Variants in MYRFL observed in about 807,000 individuals in gnomAD.
The protein encoded by MYRFL is myelin regulatory factor like.
In MYRFL, 88 loss-of-function variants were observed where a neutral mutation model predicts 109.4. The observed-to-expected ratio is 0.80, with a 90% confidence interval of 0.68 to 0.96. The LOEUF (loss-of-function observed/expected upper bound fraction) is 0.96, where lower values mean the gene tolerates loss of function less well. Ranked by LOEUF, MYRFL falls within the 40% of genes least tolerant of loss-of-function variation. The probability of loss-of-function intolerance (pLI) is 0.00; values close to 1 mark genes in which losing one functional copy is unlikely to be tolerated. For synonymous variants in MYRFL, 324 were observed against 320.9 expected (o/e 1.01, Z -0.10); for missense variants, 957 against 954.9 (o/e 1.00, Z -0.03).
intron 1 of MYRFL, among the ~76,000 whole-genome samples, chr12:69,832,944 TTGTGTGTGTGTGTGTG>T (rs57702116): frequency 4.7e-4 from 68 of 143,822 alleles, no homozygotes; most frequent in African/African-American, 1.4e-3. Context: ...AGGAACAGGC[TTGTGTGTGTGTGTGTG>T]TGTGTGTGTG....
chr12:69,943,107 C>T (rs546035596), intron 19 of MYRFL, among the ~76,000 whole-genome samples: 29 of 151,592 alleles, frequency 1.9e-4, no homozygotes, highest in African/African-American at 6.6e-4. Context: ...GCCATACTGC[C>T]CAGGGTAATT....
At chr12:69,893,978 T>A in intron 8 of MYRFL, 138 bp downstream of exon 8, 1 of 218,796 alleles carries the variant, frequency 4.6e-6, no homozygotes, top group Non-Finnish European at 8.2e-6. Flanking sequence ...GAATCCAAAT[T>A]AATAATGTTA....
At chr12:69,909,946 C>T in intron 11 of MYRFL, 23 bp from the exon 12 acceptor site, 1 of 1,472,276 alleles carries the variant, frequency 6.8e-7, no homozygotes, top group South Asian at 1.3e-5. Context: ...CGAGTAAAAT[C>T]TGCTCTTCTT....
chr12:69,925,420 T>C (rs1955045386), intron 13 of MYRFL, among the ~76,000 whole-genome samples: 1 of 152,166 alleles, frequency 6.6e-6, no homozygotes, highest in South Asian at 2.1e-4. Context: ...AAAGCTTCAG[T>C]TTGGATGATA....
chr12:69,876,336 G>A (rs1375984526), intron 2 of MYRFL, among the ~76,000 whole-genome samples: 2 of 152,020 alleles, frequency 1.3e-5, no homozygotes, highest in East Asian at 1.9e-4. Flanking sequence ...CCTTGCTTTT[G>A]TCTAGTTTCC....
At chr12:69,948,148 A>G (rs889588307) in intron 19 of MYRFL, among the ~76,000 whole-genome samples, 1 of 152,196 alleles carries the variant, frequency 6.6e-6, no homozygotes, top group Non-Finnish European at 1.5e-5. Flanking sequence ...GACTTCCTGT[A>G]TGACTACTGG....
chr12:69,915,250 GT>G (rs1954696143), intron 13 of MYRFL, among the ~76,000 whole-genome samples: 1 of 152,146 alleles, frequency 6.6e-6, no homozygotes, highest in Non-Finnish European at 1.5e-5. Context: ...AGGGCTGCTT[GT>G]TTTAAGGAAC....
In MYRFL at chr12:69,857,813, G is replaced by A. The variant is rs375065228; in HGVS notation, c.137+2443G>A. Among the ~76,000 whole-genome samples, 16 of 151,792 alleles carry A rather than the reference G, an allele frequency of 1.1e-4. No individual in the cohort carries two copies. The South Asian group carries it at 1.2e-3, about 12-fold the overall frequency. ...GAAGGTCATGTCATCTGCAAATTGA[G>A]ACAGTTGTATGTCTTTCTTTTCAAA... On this transcript the variant is annotated intron_variant, in intron 2 of 24. Coordinates refer to ENST00000552032, the MANE Select transcript of MYRFL (RefSeq NM_182530.3).
chr12:69,933,257 G>A (rs557560662), intron 16 of MYRFL, among the ~76,000 whole-genome samples: 1 of 151,954 alleles, frequency 6.6e-6, no homozygotes, highest in South Asian at 2.1e-4. Flanking sequence ...CCTTTCTCAG[G>A]CCTCTAGGCT....
intron 7 of MYRFL, among the ~76,000 whole-genome samples, chr12:69,891,637 T>TTCTTTC: frequency 1.5e-3 from 82 of 53,698 alleles, no homozygotes; most frequent in African/African-American, 2.0e-3. Context: ...CTTCCTTTCT[T>TTCTTTC]TTTCTTTCTT....
rs56118035 is a variant in MYRFL, at chr12:69,917,383, CTTTTT to C, written c.1602+6472_1602+6476del. 7.3e-3 allele frequency among the ~76,000 whole-genome samples: 749 copies of C among 102,512 alleles called. 9 individuals carry two copies. Among genetic ancestry groups the C allele is most frequent in the African/African-American group, 0.023 (608 of 26,784 alleles). 67.3% of individuals were successfully genotyped at this position (102,512 alleles called of 152,430 possible). ...TGAAATCATCTTGTTTATTCACTGACTTTTTTTTTTTTTTTTTTTTTTTGCCAATC... is the reference window on the plus strand; with the variant it reads ...TGAAATCATCTTGTTTATTCACTGACTTTTTTTTTTTTTTTTTTGCCAATC... On this transcript the variant is annotated intron_variant, in intron 13 of 24. Coordinates refer to ENST00000552032, the MANE Select transcript of MYRFL (RefSeq NM_182530.3).
At chr12:69,850,049 T>C (rs1373156884) in intron 1 of MYRFL, among the ~76,000 whole-genome samples, 1 of 152,176 alleles carries the variant, frequency 6.6e-6, no homozygotes, top group African/African-American at 2.4e-5. Context: ...GTCTTTCCTG[T>C]GCTGTTCTTG....
chr12:69,876,796 GA>G (rs1167426916), intron 2 of MYRFL, among the ~76,000 whole-genome samples: 1 of 152,110 alleles, frequency 6.6e-6, no homozygotes, highest in Non-Finnish European at 1.5e-5. Flanking sequence ...CAGAGTTAAG[GA>G]AAAGACTCAG....
chr12:69,933,725 G>A (rs1051096245), intron 16 of MYRFL, among the ~76,000 whole-genome samples: 2 of 152,128 alleles, frequency 1.3e-5, no homozygotes, highest in Non-Finnish European at 2.9e-5. Flanking sequence ...GTCTTCTCCT[G>A]CTGGGATTCC....
intron 8 of MYRFL, among the ~76,000 whole-genome samples, chr12:69,894,057 C>T (rs926086766): frequency 1.0e-4 from 13 of 128,858 alleles, no homozygotes; most frequent in South Asian, 7.4e-4. Context: ...AGTGCAGTGG[C>T]GTGCTCTGGG....
Position 69,957,833 on chromosome 12 carries a change from C to CATTG in MYRFL, c.2465_2468dup (p.Val824AspfsTer16), listed in dbSNP as rs1357242924. On this transcript the variant is annotated frameshift_variant, in exon 23 of 25. Transcript: ENST00000552032. LOFTEE classifies it high-confidence loss of function. ...TTTGTCTCTTGAAGCACAACAGAGCCATTGATAGTCTTCCAGTGCAAATTC... is the reference window on the plus strand; with the variant it reads ...TTTGTCTCTTGAAGCACAACAGAGCCATTGATTGATAGTCTTCCAGTGCAAATTC... 1.3e-6 allele frequency: 2 copies of CATTG among 1,531,932 alleles called. No individual in the cohort carries two copies. The highest frequency in any genetic ancestry group is 8.7e-7 in the Non-Finnish European group (1 of 1,143,882). The allele number at this position is 1,531,932 out of a possible 1,614,324, so 94.9% of individuals were successfully genotyped here. A position where few individuals can be genotyped will look rare whatever the true frequency, so the allele number is the denominator to read the frequency against.
intron 19 of MYRFL, among the ~76,000 whole-genome samples, chr12:69,941,231 AT>A (rs1955631437): frequency 1.7e-5 from 2 of 114,618 alleles, no homozygotes; most frequent in South Asian, 3.3e-4. Flanking sequence ...CAGAATATAC[AT>A]TTTTTTCAGC....
At chr12:69,850,531 G>C (rs144148512) in intron 1 of MYRFL, among the ~76,000 whole-genome samples, 4 of 152,204 alleles carry the variant, frequency 2.6e-5, no homozygotes, top group African/African-American at 9.6e-5. Context: ...TTTAGAAAAT[G>C]ACTAAAAAGT....
intron 9 of MYRFL, among the ~76,000 whole-genome samples, chr12:69,896,529 A>G (rs1954000201): frequency 6.6e-6 from 1 of 152,232 alleles, no homozygotes; most frequent in South Asian, 2.1e-4. Flanking sequence ...AGTGGTACGT[A>G]TGAAGAGGAA....
Sources: allele counts gnomAD v4.1 joint callset (sites outside exome capture counted in the v4.1 genomes callset), GRCh38; gene constraint gnomAD v4.1.1; transcripts MANE v1.5; gene names NCBI Gene and HGNC (gene_info 2026-07-23, HGNC 2026-07-21).